The following CCDC178 variants were observed in gnomAD, a reference collection of about 807,000 sequenced individuals.
The protein encoded by CCDC178 is coiled-coil domain-containing protein 178.
In CCDC178, 126 loss-of-function variants were observed where a neutral mutation model predicts 117.4. That is an observed-to-expected ratio of 1.07 (90% CI 0.93 to 1.24). The LOEUF (loss-of-function observed/expected upper bound fraction) is 1.24. Among genes scored for constraint, CCDC178 ranks in the 50% most tolerant of loss-of-function variants. The pLI is 0.00. For synonymous variants in CCDC178, 283 were observed against 313.4 expected (o/e 0.90, Z 1.02); for missense variants, 1,030 against 986.9 (o/e 1.04, Z -0.59).
intron 20 of CCDC178, among the ~76,000 whole-genome samples, chr18:33,210,323 T>C (rs1409335221): frequency 6.6e-6 from 1 of 151,774 alleles, no homozygotes; most frequent in Non-Finnish European, 1.5e-5. Context: ...CATGAGACCA[T>C]ATAATGCTTC....
intron 6 of CCDC178, among the ~76,000 whole-genome samples, chr18:33,367,389 G>A (rs988678410): frequency 7.2e-5 from 11 of 151,898 alleles, no homozygotes; most frequent in African/African-American, 2.2e-4. Context: ...TTACTTATTT[G>A]GAAATATTAG....
At chr18:33,248,502 G>A (rs1391301088) in intron 14 of CCDC178, among the ~76,000 whole-genome samples, 1 of 147,244 alleles carries the variant, frequency 6.8e-6, no homozygotes, top group Admixed American at 7.1e-5. Flanking sequence ...CCACCTATGA[G>A]TGAGAACATG....
chr18:33,117,419 T>C (rs1427415121), intron 20 of CCDC178, among the ~76,000 whole-genome samples: 1 of 152,066 alleles, frequency 6.6e-6, no homozygotes, highest in Non-Finnish European at 1.5e-5. Flanking sequence ...TGCAGAGTCC[T>C]TAATCTGCCA....
chr18:33,241,036 T>C (rs1202319772), intron 15 of CCDC178, among the ~76,000 whole-genome samples: 1 of 151,844 alleles, frequency 6.6e-6, no homozygotes, highest in Non-Finnish European at 1.5e-5. Context: ...GAAAATATGG[T>C]TCAACACATG....
intron 5 of CCDC178, among the ~76,000 whole-genome samples, chr18:33,371,880 C>G (rs1176253890): frequency 1.3e-5 from 2 of 150,962 alleles, no homozygotes; most frequent in Admixed American, 6.6e-5. Context: ...GATCTCCTAT[C>G]CAAATATCTT....
chr18:33,110,775 T>C (rs1199086478), intron 20 of CCDC178, among the ~76,000 whole-genome samples: 1 of 151,626 alleles, frequency 6.6e-6, no homozygotes, highest in African/African-American at 2.4e-5. Context: ...TGTTCTCTTA[T>C]CTGTCTTTGT....
intron 21 of CCDC178, among the ~76,000 whole-genome samples, chr18:32,993,003 T>TA (rs1200138419): frequency 6.6e-6 from 1 of 151,946 alleles, no homozygotes; most frequent in African/African-American, 2.4e-5. Context: ...CCGTCTCTGC[T>TA]AAAAATACAA....
intron 20 of CCDC178, among the ~76,000 whole-genome samples, chr18:33,159,258 C>G (rs1458156380): frequency 6.6e-6 from 1 of 152,016 alleles, no homozygotes; most frequent in African/African-American, 2.4e-5. Flanking sequence ...ATTCCTCTTT[C>G]TAGAAAATTA....
intron 20 of CCDC178, among the ~76,000 whole-genome samples, chr18:33,095,166 T>C (rs911250128): frequency 2.6e-5 from 4 of 151,990 alleles, no homozygotes; most frequent in Admixed American, 2.0e-4. Flanking sequence ...TTATTTTCCA[T>C]ACTATTACAT....
chr18:33,262,393 T>C (rs1236381188), intron 14 of CCDC178, among the ~76,000 whole-genome samples: 3 of 152,148 alleles, frequency 2.0e-5, no homozygotes, highest in Admixed American at 2.0e-4. Context: ...TTTTTTCATC[T>C]ACACATTTTT....
chr18:33,077,656 G>GTGCA (rs2145020864), intron 21 of CCDC178, among the ~76,000 whole-genome samples: 1 of 152,212 alleles, frequency 6.6e-6, no homozygotes, highest in South Asian at 2.1e-4. Flanking sequence ...AAATACCTCT[G>GTGCA]TGCACACAAA....
chr18:33,246,256 C>T (rs185788034), intron 14 of CCDC178, among the ~76,000 whole-genome samples: 9 of 151,790 alleles, frequency 5.9e-5, no homozygotes, highest in East Asian at 2.0e-4. Flanking sequence ...CTTGTATACA[C>T]ATAAAAATCA....
intron 20 of CCDC178, among the ~76,000 whole-genome samples, chr18:33,179,442 T>C (rs2058708838): frequency 6.6e-6 from 1 of 151,874 alleles, no homozygotes; most frequent in African/African-American, 2.4e-5. Context: ...TCTTGTTGCA[T>C]TATCTGTTTG....
chr18:33,440,624 G>GCGCCGAGGCACAAGCGCCCC, intron 1 of CCDC178, 29 bp downstream of exon 1: 2 of 150,654 alleles, frequency 1.3e-5, no homozygotes, highest in South Asian at 4.1e-4. Flanking sequence ...ACAAGCGCCC[G>GCGCCGAGGCACAAGCGCCCC]CGCCGAGGCA....
chr18:33,115,245 C>T lies in CCDC178; in HGVS notation c.2239-22335G>A, dbSNP rs139294411. On this transcript the variant is annotated intron_variant, in intron 20 of 22. Coordinates refer to ENST00000383096, the MANE Select transcript of CCDC178 (RefSeq NM_001105528.4). Reference sequence around the variant, plus strand: ...CGTTACTGACTTAGGCCCAACCTTTCATACATGGGTATTGCACTCAGCCTG... The same window carrying T: ...CGTTACTGACTTAGGCCCAACCTTTTATACATGGGTATTGCACTCAGCCTG... Among the ~76,000 whole-genome samples, 7 of 152,188 alleles carry T rather than the reference C, an allele frequency of 4.6e-5. No homozygotes were observed. The East Asian group carries it at 1.4e-3, about 30-fold the overall frequency.
At chr18:33,158,521 T>C (rs1322532978) in intron 20 of CCDC178, among the ~76,000 whole-genome samples, 3 of 152,134 alleles carry the variant, frequency 2.0e-5, no homozygotes, top group African/African-American at 7.2e-5. Flanking sequence ...ATATGCATTA[T>C]AATTTAAAAA....
At chr18:32,948,251 C>T (rs2054399803) in intron 22 of CCDC178, among the ~76,000 whole-genome samples, 2 of 152,010 alleles carry the variant, frequency 1.3e-5, no homozygotes. Flanking sequence ...CTTGGAATTT[C>T]GATTCAGATT....
intron 20 of CCDC178, among the ~76,000 whole-genome samples, chr18:33,179,966 G>C (rs768906911): frequency 5.9e-5 from 9 of 151,538 alleles, no homozygotes; most frequent in Non-Finnish European, 1.2e-4. Flanking sequence ...AATATATTAC[G>C]CTGCAAATAT....
At chr18:33,363,638 T>C (rs1440210374) in intron 6 of CCDC178, among the ~76,000 whole-genome samples, 2 of 152,094 alleles carry the variant, frequency 1.3e-5, no homozygotes, top group African/African-American at 4.8e-5. Flanking sequence ...GTGATTATTC[T>C]ATCCCTTCTT....
Sources: gnomAD v4.1 joint callset for allele counts (sites outside exome capture counted in the v4.1 genomes callset) on GRCh38, gnomAD v4.1.1 for gene constraint, MANE v1.5 for transcripts, NCBI Gene and HGNC (gene_info 2026-07-23, HGNC 2026-07-21) for gene names.